The following LHFPL6 variants were observed in gnomAD, a reference collection of about 807,000 sequenced individuals.
LHFPL6 encodes the protein LHFPL tetraspan subfamily member 6 protein.
In LHFPL6, 9 loss-of-function variants were observed where a neutral mutation model predicts 20.6. The observed-to-expected ratio is 0.44, with a 90% confidence interval of 0.26 to 0.76. LHFPL6 has a LOEUF of 0.76. LHFPL6 is among the 30% of genes least tolerant of loss of function. The pLI is 0.20. For synonymous variants in LHFPL6, 105 were observed against 98.7 expected (o/e 1.06, Z -0.38); for missense variants, 218 against 253.5 (o/e 0.86, Z 0.95).
chr13:39,407,139 A>T (rs1176373065), intron 2 of LHFPL6, among the ~76,000 whole-genome samples: 3 of 152,220 alleles, frequency 2.0e-5, no homozygotes, highest in African/African-American at 4.8e-5. Flanking sequence ...CTTCAGTTGT[A>T]TTAATTCAAA....
intron 2 of LHFPL6, among the ~76,000 whole-genome samples, chr13:39,500,310 C>T (rs1869249666): frequency 6.6e-6 from 1 of 152,072 alleles, no homozygotes; most frequent in African/African-American, 2.4e-5. Flanking sequence ...GCTCAAGATC[C>T]TTCCACTTCA....
Position 39,343,716 on chromosome 13 carries a change from C to T in LHFPL6, c.*220G>A, listed in dbSNP as rs1869313913. On this transcript the variant is annotated 3_prime_UTR_variant, in exon 4 of 4. Transcript: ENST00000379589. ...CCCTGCAATATTTTTAGCCTTTGGTCCATTTTTCTCCATCATTCTATACTC... is the reference window on the plus strand; with the variant it reads ...CCCTGCAATATTTTTAGCCTTTGGTTCATTTTTCTCCATCATTCTATACTC... 2.2e-6 allele frequency: 1 copy of T among 460,644 alleles called. No individual in the cohort carries two copies. Among genetic ancestry groups the T allele is most frequent in the African/African-American group, 2.0e-5 (1 of 51,050 alleles). The allele number at this position is 460,644 out of a possible 1,614,324, so 28.5% of individuals were successfully genotyped here.
At chr13:39,346,629 C>G (rs375970377) in intron 3 of LHFPL6, among the ~76,000 whole-genome samples, 1 of 152,152 alleles carries the variant, frequency 6.6e-6, no homozygotes, top group Middle Eastern at 3.2e-3. Flanking sequence ...AACGCCCGAT[C>G]ATCCCCCAGG....
intron 3 of LHFPL6, among the ~76,000 whole-genome samples, chr13:39,352,911 G>GTA (rs1188362279): frequency 5.8e-5 from 3 of 51,760 alleles, no homozygotes; most frequent in Admixed American, 2.3e-4. Flanking sequence ...ATATATAAAT[G>GTA]TATATATATA....
chr13:39,485,738 G>A lies in LHFPL6; in HGVS notation c.386-107212C>T, dbSNP rs115038131. Among the ~76,000 whole-genome samples, 683 of 152,278 alleles carry A rather than the reference G, an allele frequency of 4.5e-3. 5 individuals carry two copies. The highest frequency in any genetic ancestry group is 0.016 in the African/African-American group (645 of 41,550). ...GGTGGAACTAAAGGAAAGGATGAAT[G>A]AGCCCAATTTTTCAAATCTAGAAAT... On this transcript the variant is annotated intron_variant, in intron 2 of 3. Coordinates refer to ENST00000379589, the MANE Select transcript of LHFPL6 (RefSeq NM_005780.3).
intron 2 of LHFPL6, among the ~76,000 whole-genome samples, chr13:39,551,024 G>T (rs11841403): frequency 0.017 from 2,637 of 151,998 alleles, 89 homozygotes; most frequent in African/African-American, 0.061. Context: ...ATATGTATGG[G>T]GCTAGTTCTG....
At chr13:39,560,671 C>T (rs937334113) in intron 2 of LHFPL6, among the ~76,000 whole-genome samples, 1 of 152,002 alleles carries the variant, frequency 6.6e-6, no homozygotes, top group Non-Finnish European at 1.5e-5. Flanking sequence ...CCCGCCCCCA[C>T]GCCCGGCTAA....
At chr13:39,469,207 C>G in intron 2 of LHFPL6, among the ~76,000 whole-genome samples, 1 of 152,300 alleles carries the variant, frequency 6.6e-6, no homozygotes, top group East Asian at 1.9e-4. Context: ...CCACCTCTCT[C>G]GCACACGGGT....
chr13:39,486,252 A>G (rs1159575486), intron 2 of LHFPL6, among the ~76,000 whole-genome samples: 2 of 152,202 alleles, frequency 1.3e-5, no homozygotes, highest in Non-Finnish European at 2.9e-5. Flanking sequence ...CCAGTGGAGT[A>G]CTTAGTGAGT....
intron 2 of LHFPL6, among the ~76,000 whole-genome samples, chr13:39,496,140 C>G (rs1869093459): frequency 6.6e-6 from 1 of 152,128 alleles, no homozygotes; most frequent in African/African-American, 2.4e-5. Context: ...GCTGCTGTGA[C>G]AAAATACCAT....
chr13:39,482,390 C>A (rs1868556797), intron 2 of LHFPL6, among the ~76,000 whole-genome samples: 1 of 151,530 alleles, frequency 6.6e-6, no homozygotes, highest in Non-Finnish European at 1.5e-5. Flanking sequence ...TTGTGGTGAG[C>A]CAAGATCGTG....
intron 2 of LHFPL6, among the ~76,000 whole-genome samples, chr13:39,445,113 C>T (rs192549381): frequency 2.0e-5 from 3 of 152,312 alleles, no homozygotes; most frequent in African/African-American, 7.2e-5. Flanking sequence ...AGCCTTATTA[C>T]GATGCAGCAA....
chr13:39,467,401 T>C (rs114020661), intron 2 of LHFPL6, among the ~76,000 whole-genome samples: 184 of 152,268 alleles, frequency 1.2e-3, no homozygotes, highest in African/African-American at 4.3e-3. Flanking sequence ...GTCCACAGGG[T>C]TAAGGAATCC....
At chr13:39,563,451 G>A (rs1465268684) in intron 2 of LHFPL6, among the ~76,000 whole-genome samples, 1 of 152,174 alleles carries the variant, frequency 6.6e-6, no homozygotes, top group Non-Finnish European at 1.5e-5. Context: ...GAATACATGA[G>A]TCTGGTGGGT....
At chr13:39,500,616 T>C (rs556606567) in intron 2 of LHFPL6, among the ~76,000 whole-genome samples, 2 of 152,188 alleles carry the variant, frequency 1.3e-5, no homozygotes, top group Non-Finnish European at 2.9e-5. Context: ...TTCCTTATTA[T>C]GCACCTGCTG....
Position 39,567,575 on chromosome 13 carries a change from A to AT in LHFPL6, c.385+33256dup, listed in dbSNP as rs1193163596. 3.3e-5 allele frequency among the ~76,000 whole-genome samples: 5 copies of AT among 151,142 alleles called. No individual in the cohort carries two copies. In the East Asian group the frequency reaches 9.7e-4, roughly 29 times the overall value. ...TTTTCTTCCTCTTCTTCCTCTTCCTATTTCTCTCCCTTCCTCTCCTCTTCT... is the reference window on the plus strand; with the variant it reads ...TTTTCTTCCTCTTCTTCCTCTTCCTATTTTCTCTCCCTTCCTCTCCTCTTCT... On this transcript the variant is annotated intron_variant, in intron 2 of 3. Transcript: ENST00000379589.
At chr13:39,533,541 A>G (rs1326633419) in intron 2 of LHFPL6, among the ~76,000 whole-genome samples, 5 of 152,198 alleles carry the variant, frequency 3.3e-5, no homozygotes. Context: ...CTTAGCTGCA[A>G]AGGAGGCTGA....
At chr13:39,595,461 T>C (rs1461948149) in intron 2 of LHFPL6, among the ~76,000 whole-genome samples, 2 of 152,164 alleles carry the variant, frequency 1.3e-5, no homozygotes, top group Non-Finnish European at 2.9e-5. Flanking sequence ...TCTGACTAAT[T>C]TTCGTATTTT....
At chr13:39,563,099 C>G (rs1871596889) in intron 2 of LHFPL6, among the ~76,000 whole-genome samples, 1 of 50,586 alleles carries the variant, frequency 2.0e-5, no homozygotes, top group Non-Finnish European at 3.5e-5. Flanking sequence ...GAAACACACA[C>G]ACACACACAC....
Sources: allele counts gnomAD v4.1 joint callset (sites outside exome capture counted in the v4.1 genomes callset), GRCh38; gene constraint gnomAD v4.1.1; transcripts MANE v1.5; gene names NCBI Gene and HGNC (gene_info 2026-07-23, HGNC 2026-07-21).